Variants in FGGY observed in about 807,000 individuals in gnomAD.
The protein encoded by FGGY is FGGY carbohydrate kinase domain-containing protein.
Under a neutral mutation model 71.3 loss-of-function variants are expected in FGGY, and 72 were observed. The observed-to-expected ratio is 1.01, with a 90% CI of 0.84 to 1.23. FGGY has a LOEUF of 1.23. Ranked by LOEUF, FGGY falls within the 50% of genes most tolerant of loss-of-function variation. The pLI is 0.00. For synonymous variants in FGGY, 251 were observed against 250.3 expected (o/e 1.00, Z -0.02); for missense variants, 668 against 682.3 (o/e 0.98, Z 0.23).
chr1:59,512,380 G>A lies in FGGY; in HGVS notation c.740G>A (p.Gly247Asp). ...ACACCAGAGGCAGCAAGAGACCTTG[G>A]CCTTCTCCCTGGGATTGCGGTCGCA... The part of the protein sequence containing the change: ...GLTPEAARDL[G>D]LLPGIAVAAS... The change falls in exon 7 of 16, where the codon GGC becomes GAC. Residue 247 changes from glycine to aspartate, a missense_variant. Gly to Asp is a moderately conservative substitution (Grantham distance 94). Coordinates refer to ENST00000303721, the MANE Select transcript of FGGY (RefSeq NM_018291.5). 6.2e-7 allele frequency: 1 copy of A among 1,613,816 alleles called. No homozygotes were observed. The highest frequency in any genetic ancestry group is 8.5e-7 in the Non-Finnish European group (1 of 1,179,822).
chr1:59,481,734 G>A (rs1295162309), intron 6 of FGGY, among the ~76,000 whole-genome samples: 1 of 152,060 alleles, frequency 6.6e-6, no homozygotes, highest in Non-Finnish European at 1.5e-5. Flanking sequence ...ATTATTTTAG[G>A]TATTGTATTT....
intron 7 of FGGY, among the ~76,000 whole-genome samples, chr1:59,549,165 A>C (rs2095570172): frequency 6.6e-6 from 1 of 152,180 alleles, no homozygotes; most frequent in Non-Finnish European, 1.5e-5. Flanking sequence ...GTCAATTTGC[A>C]TGTATAAAGC....
intron 5 of FGGY, among the ~76,000 whole-genome samples, chr1:59,396,116 C>T (rs972708870): frequency 3.9e-5 from 6 of 151,974 alleles, no homozygotes; most frequent in Non-Finnish European, 7.4e-5. Context: ...GGGAGTGGGA[C>T]CAAATAATTT....
At chr1:59,720,862 G>A (rs1347730169) in intron 14 of FGGY, among the ~76,000 whole-genome samples, 2 of 152,060 alleles carry the variant, frequency 1.3e-5, no homozygotes, top group Non-Finnish European at 2.9e-5. Flanking sequence ...AGCCCTCCTG[G>A]CCTGGTGCTC....
intron 14 of FGGY, among the ~76,000 whole-genome samples, chr1:59,751,947 A>G (rs1197351342): frequency 1.3e-5 from 2 of 152,222 alleles, no homozygotes; most frequent in African/African-American, 4.8e-5. Context: ...AAACGACAAC[A>G]TGTAGCAATT....
intron 4 of FGGY, among the ~76,000 whole-genome samples, chr1:59,358,498 C>T (rs1420247685): frequency 1.3e-5 from 2 of 152,042 alleles, no homozygotes; most frequent in Non-Finnish European, 2.9e-5. Context: ...CCCTGCCACC[C>T]CCCCGCCATG....
In FGGY at chr1:59,546,522, TGATGATG is replaced by T. The variant is rs750775697; in HGVS notation, c.800-7601_800-7595del. Among the ~76,000 whole-genome samples, 55 of 138,290 alleles carry T rather than the reference TGATGATG, an allele frequency of 4.0e-4. 1 individual carries two copies. In the South Asian group the frequency reaches 5.3e-3, roughly 13 times the overall value. The allele number at this position is 138,290 out of a possible 152,430, so 90.7% of individuals were successfully genotyped here. A position where few individuals can be genotyped will look rare whatever the true frequency, so the allele number is the denominator to read the frequency against. Reference sequence around the variant, plus strand: ...ATGATGATGATGATGATGATGATGATGATGATGATGATGATTATTATTATTATTATTT... The same window carrying T: ...ATGATGATGATGATGATGATGATGATATGATGATTATTATTATTATTATTT... On this transcript the variant is annotated intron_variant, in intron 7 of 15. Transcript: ENST00000303721.
At chr1:59,751,244 T>C (rs2101690029) in intron 14 of FGGY, among the ~76,000 whole-genome samples, 1 of 149,824 alleles carries the variant, frequency 6.7e-6, no homozygotes, top group East Asian at 2.0e-4. Context: ...AATGTCCTTT[T>C]GAGGGTTAAA....
chr1:59,344,651 G>A (rs1444867457), intron 3 of FGGY, among the ~76,000 whole-genome samples: 19 of 152,104 alleles, frequency 1.2e-4, no homozygotes, highest in Non-Finnish European at 1.5e-5. Context: ...AGTCCCTGAT[G>A]TAAAATGGCA....
At chr1:59,519,883 A>G (rs1313542899) in intron 7 of FGGY, among the ~76,000 whole-genome samples, 2 of 152,214 alleles carry the variant, frequency 1.3e-5, no homozygotes, top group Non-Finnish European at 2.9e-5. Flanking sequence ...CAAGGTTCAT[A>G]TATCTTTTCT....
At chr1:59,432,205 C>T (rs2067519130) in intron 5 of FGGY, among the ~76,000 whole-genome samples, 1 of 152,198 alleles carries the variant, frequency 6.6e-6, no homozygotes, top group Non-Finnish European at 1.5e-5. Flanking sequence ...CTCCCCACCC[C>T]TTCCCACATA....
At chr1:59,593,741 A>G (rs1442984158) in intron 8 of FGGY, among the ~76,000 whole-genome samples, 1 of 152,208 alleles carries the variant, frequency 6.6e-6, no homozygotes, top group Non-Finnish European at 1.5e-5. Flanking sequence ...ACTGTTAGAT[A>G]TCCCAACTGC....
At chr1:59,472,727 G>A (rs2093027579) in intron 6 of FGGY, among the ~76,000 whole-genome samples, 2 of 152,276 alleles carry the variant, frequency 1.3e-5, no homozygotes, top group African/African-American at 4.8e-5. Context: ...TGGGGACTTG[G>A]AGAACCTTTG....
At chr1:59,581,078 T>C (rs2096186137) in intron 8 of FGGY, among the ~76,000 whole-genome samples, 1 of 136,952 alleles carries the variant, frequency 7.3e-6, no homozygotes, top group East Asian at 2.0e-4. Context: ...CTTTCTTCCC[T>C]GAAATGCTTT....
intron 12 of FGGY, among the ~76,000 whole-genome samples, chr1:59,665,063 G>A (rs940428779): frequency 3.3e-5 from 5 of 152,288 alleles, no homozygotes; most frequent in South Asian, 2.1e-4. Context: ...AATTCATGCC[G>A]TTAGAGCAGA....
chr1:59,583,653 T>G (rs1305198359), intron 8 of FGGY, among the ~76,000 whole-genome samples: 2 of 142,172 alleles, frequency 1.4e-5, no homozygotes, highest in Non-Finnish European at 3.0e-5. Flanking sequence ...GGAGAGCACC[T>G]TTGCCCTTCA....
Position 59,667,345 on chromosome 1 carries a change from C to T in FGGY, c.1359C>T (p.Phe453=). 6.2e-7 allele frequency: 1 copy of T among 1,614,146 alleles called. No homozygotes were observed. Among genetic ancestry groups the T allele is most frequent in the Non-Finnish European group, 8.5e-7 (1 of 1,180,002 alleles). Residue 453 remains phenylalanine, a synonymous_variant, in exon 13 of 16, where the codon TTC becomes TTT. Coordinates refer to ENST00000303721, the MANE Select transcript of FGGY (RefSeq NM_018291.5). ...EAAGHSISTL[F]LCGGLSKNPL... ...CAGGGCACTCAATCAGTACTCTTTT[C>T]CTATGTGGAGGCCTCAGCAAGAATC...
intron 5 of FGGY, among the ~76,000 whole-genome samples, chr1:59,402,293 C>G (rs999984828): frequency 2.0e-5 from 3 of 152,166 alleles, no homozygotes; most frequent in Non-Finnish European, 4.4e-5. Flanking sequence ...GTATACTTAT[C>G]TACCATGGTA....
At chr1:59,703,087 G>C (rs376838515) in intron 14 of FGGY, among the ~76,000 whole-genome samples, 1 of 152,126 alleles carries the variant, frequency 6.6e-6, no homozygotes, top group Non-Finnish European at 1.5e-5. Context: ...AGGGTTATTC[G>C]TAAAAATTAA....
Sources: allele counts gnomAD v4.1 joint callset (sites outside exome capture counted in the v4.1 genomes callset), GRCh38; gene constraint gnomAD v4.1.1; transcripts MANE v1.5; gene names NCBI Gene and HGNC (gene_info 2026-07-23, HGNC 2026-07-21).